Variants in CCDC148 observed in about 807,000 individuals in gnomAD.
The protein encoded by CCDC148 is coiled-coil domain containing 148, also known as coiled-coil domain-containing protein 148.
A neutral mutation model predicts 85.7 loss-of-function variants in CCDC148; 89 were observed. That is an observed-to-expected ratio of 1.04 (90% CI 0.87 to 1.24). The LOEUF (loss-of-function observed/expected upper bound fraction) is 1.24. Ranked by LOEUF, CCDC148 falls within the 50% of genes most tolerant of loss-of-function variation. CCDC148 has a pLI of 0.00. For synonymous variants in CCDC148, 230 were observed against 213.9 expected, an observed-to-expected ratio of 1.08 and a Z score of -0.66; for missense variants, 692 against 671.7, an observed-to-expected ratio of 1.03 and a Z score of -0.33.
At chr2:158,220,416 G>A (rs1335617146) in intron 11 of CCDC148, among the ~76,000 whole-genome samples, 179 bp downstream of exon 11, 2 of 152,198 alleles carry the variant, frequency 1.3e-5, no homozygotes, top group African/African-American at 4.8e-5. Flanking sequence ...AGAGGTTCAT[G>A]TATGACTATG....
At chr2:158,270,764 T>C (rs763839377) in intron 9 of CCDC148, among the ~76,000 whole-genome samples, 2 of 152,200 alleles carry the variant, frequency 1.3e-5, no homozygotes, top group African/African-American at 2.4e-5. Flanking sequence ...ATATTACATA[T>C]ACATGTTGAT....
chr2:158,417,553 A>G (rs1686558174), intron 1 of CCDC148, among the ~76,000 whole-genome samples: 1 of 152,126 alleles, frequency 6.6e-6, no homozygotes, highest in Non-Finnish European at 1.5e-5. Flanking sequence ...CTTGGATGAG[A>G]TTTTCTTAGA....
At chr2:158,368,205 A>T (rs1006447436) in intron 1 of CCDC148, among the ~76,000 whole-genome samples, 3 of 152,172 alleles carry the variant, frequency 2.0e-5, no homozygotes, top group Non-Finnish European at 4.4e-5. Context: ...AATCTGTTTA[A>T]TTATGGGATG....
chr2:158,430,172 C>T (rs1014867882), intron 1 of CCDC148, among the ~76,000 whole-genome samples: 2 of 152,116 alleles, frequency 1.3e-5, no homozygotes, highest in Admixed American at 6.6e-5. Flanking sequence ...TGACCTCTTA[C>T]TAGTTAAGGT....
chr2:158,437,934 T>C (rs1305167122), intron 1 of CCDC148, among the ~76,000 whole-genome samples: 1 of 152,166 alleles, frequency 6.6e-6, no homozygotes, highest in Non-Finnish European at 1.5e-5. Context: ...GAAGGACCTC[T>C]TCAAGGAGAA....
chr2:158,226,481 A>C (rs1687533651), intron 10 of CCDC148, among the ~76,000 whole-genome samples: 1 of 152,192 alleles, frequency 6.6e-6, no homozygotes, highest in South Asian at 2.1e-4. Context: ...CTGATTCCAA[A>C]GCCTGCCAGA....
intron 10 of CCDC148, among the ~76,000 whole-genome samples, chr2:158,233,112 A>T (rs999592936): frequency 3.3e-5 from 5 of 152,146 alleles, no homozygotes; most frequent in Admixed American, 3.3e-4. Context: ...GCTTGTATCA[A>T]ATATCCCAGG....
At chr2:158,384,155 A>G (rs1291656597) in intron 1 of CCDC148, among the ~76,000 whole-genome samples, 1 of 152,180 alleles carries the variant, frequency 6.6e-6, no homozygotes, top group Non-Finnish European at 1.5e-5. Context: ...GATGCTATTG[A>G]CTTTGATCGC....
chr2:158,351,101 A>C (rs2105256110), intron 2 of CCDC148, among the ~76,000 whole-genome samples: 1 of 152,234 alleles, frequency 6.6e-6, no homozygotes, highest in South Asian at 2.1e-4. Context: ...CCTATTATAC[A>C]CCAAACAGCA....
chr2:158,228,213 A>G (rs1167376386), intron 10 of CCDC148, among the ~76,000 whole-genome samples: 2 of 152,238 alleles, frequency 1.3e-5, no homozygotes, highest in African/African-American at 2.4e-5. Flanking sequence ...AAAAATGCTC[A>G]TCATCACTGG....
intron 11 of CCDC148, among the ~76,000 whole-genome samples, chr2:158,208,096 T>C (rs1686347711): frequency 6.6e-6 from 1 of 152,122 alleles, no homozygotes; most frequent in Non-Finnish European, 1.5e-5. Flanking sequence ...TAAAGATAGA[T>C]CATGACAAGA....
intron 9 of CCDC148, among the ~76,000 whole-genome samples, chr2:158,304,188 T>C (rs1316928414): frequency 6.6e-6 from 1 of 152,116 alleles, no homozygotes; most frequent in Admixed American, 6.5e-5. Flanking sequence ...AGAAGATGGC[T>C]TCTTCTTTCA....
intron 1 of CCDC148, among the ~76,000 whole-genome samples, chr2:158,430,547 T>C (rs1417933804): frequency 2.0e-5 from 3 of 152,206 alleles, no homozygotes; most frequent in African/African-American, 7.2e-5. Flanking sequence ...GACCTGGTAT[T>C]CTACAGATCA....
chr2:158,300,407 T>C (rs1255403034), intron 9 of CCDC148, among the ~76,000 whole-genome samples: 1 of 151,204 alleles, frequency 6.6e-6, no homozygotes, highest in East Asian at 1.9e-4. Context: ...GGAAATAGAG[T>C]TTTTAGTGTG....
chr2:158,258,210 TCATTTGTGATGTAAAATA>T (rs1289085465), intron 9 of CCDC148, among the ~76,000 whole-genome samples: 1 of 151,434 alleles, frequency 6.6e-6, no homozygotes, highest in Non-Finnish European at 1.5e-5. Flanking sequence ...CTGTGTGTGT[TCATTTGTGATGTAAAATA>T]CATTTCTCAC....
intron 11 of CCDC148, among the ~76,000 whole-genome samples, chr2:158,204,895 T>C: frequency 6.6e-6 from 1 of 152,132 alleles, no homozygotes; most frequent in Non-Finnish European, 1.5e-5. Context: ...GAAACATCCA[T>C]CTGAAGACCC....
chr2:158,299,720 T>G (rs997752458), intron 9 of CCDC148, among the ~76,000 whole-genome samples: 3 of 152,210 alleles, frequency 2.0e-5, no homozygotes, highest in African/African-American at 7.2e-5. Flanking sequence ...GAAAACTCTA[T>G]TTGAATTAAA....
chr2:158,291,113 TTTTA>T (rs1268478194), intron 9 of CCDC148, among the ~76,000 whole-genome samples: 1 of 152,060 alleles, frequency 6.6e-6, no homozygotes, highest in Non-Finnish European at 1.5e-5. Flanking sequence ...ACTGATCCTC[TTTTA>T]TATATATTTT....
At chr2:158,287,744 G>A (rs1690696412) in intron 9 of CCDC148, among the ~76,000 whole-genome samples, 1 of 152,198 alleles carries the variant, frequency 6.6e-6, no homozygotes, top group Non-Finnish European at 1.5e-5. Context: ...CAGGTGCAAG[G>A]TGCAAGCTGT....
Sources: gnomAD v4.1 joint callset for allele counts (sites outside exome capture counted in the v4.1 genomes callset) on GRCh38, gnomAD v4.1.1 for gene constraint, MANE v1.5 for transcripts, NCBI Gene and HGNC (gene_info 2026-07-23, HGNC 2026-07-21) for gene names.